The following TTLL10 variants were observed in gnomAD, a reference collection of about 807,000 sequenced individuals.
The protein encoded by TTLL10 is inactive polyglycylase TTLL10.
A neutral mutation model predicts 69.0 loss-of-function variants in TTLL10; 61 were observed. The observed-to-expected ratio is 0.88, with a 90% CI of 0.72 to 1.09. TTLL10 has a LOEUF of 1.09. Among genes scored for constraint, TTLL10 ranks in the 50% least tolerant of loss-of-function variants. TTLL10 has a pLI of 0.00. For synonymous variants in TTLL10, 408 were observed against 393.3 expected, an observed-to-expected ratio of 1.04 and a Z score of -0.44; for missense variants, 962 against 945.9, an observed-to-expected ratio of 1.02 and a Z score of -0.22.
Position 1,181,911 on chromosome 1 carries a change from A to G in TTLL10, c.830+96A>G. ...GGAGAAAGCGGGGCGGGGGTCCCAC[A>G]CAAAGGAAAACCACGAGCTAGAGTC... On this transcript the variant is annotated intron_variant, in intron 9 of 15. Transcript: ENST00000379289. This position sits in a 1 kb window ranked among gnomAD's most constrained non-coding sequence, Gnocchi z 4.6. 1 of 1,159,340 alleles carries G rather than the reference A, an allele frequency of 8.6e-7. No homozygotes were observed. The highest frequency in any genetic ancestry group is 1.2e-6 in the Non-Finnish European group (1 of 804,556). The allele number at this position is 1,159,340 out of a possible 1,614,324, so 71.8% of individuals were successfully genotyped here. A position where few individuals can be genotyped will look rare whatever the true frequency, so the allele number is the denominator to read the frequency against.
chr1:1,189,637 T>G (rs1363274606), intron 13 of TTLL10, among the ~76,000 whole-genome samples: 3 of 152,292 alleles, frequency 2.0e-5, no homozygotes, highest in Non-Finnish European at 4.4e-5. Flanking sequence ...TCCTCTTTTA[T>G]TTTTGGAGTC....
chr1:1,177,413 G>GCTATT (rs1164349864), intron 3 of TTLL10, among the ~76,000 whole-genome samples: 1 of 152,154 alleles, frequency 6.6e-6, no homozygotes, highest in Non-Finnish European at 1.5e-5. Flanking sequence ...CCAGGTTCAA[G>GCTATT]CTATTCTCCT....
chr1:1,178,949 G>A (rs1026315211), intron 3 of TTLL10, among the ~76,000 whole-genome samples: 3 of 152,200 alleles, frequency 2.0e-5, no homozygotes, highest in Non-Finnish European at 2.9e-5. Context: ...GAGCCGCTCC[G>A]GCCAGGGAGG....
At chr1:1,175,634 C>T (rs956106344) in intron 3 of TTLL10, 1 of 446,508 alleles carries the variant, frequency 2.2e-6, no homozygotes, top group Non-Finnish European at 4.5e-6. Flanking sequence ...TCACCATCAC[C>T]ACAGCCCTGC....
Position 1,179,270 on chromosome 1 carries a change from C to T in TTLL10, c.55C>T (p.Arg19Ter), listed in dbSNP as rs538573333. 1.3e-4 allele frequency: 204 copies of T among 1,550,920 alleles called. No homozygotes were observed. In the African/African-American group the frequency reaches 2.4e-3, roughly 18 times the overall value. The change falls in exon 4 of 16, where the codon CGA (arginine) becomes TGA (stop). Residue 19 changes from arginine (R) to a stop codon, truncating the protein, a stop_gained. Coordinates refer to ENST00000379289, the MANE Select transcript of TTLL10 (RefSeq NM_001130045.2). LOFTEE classifies it high-confidence loss of function. ...IHRRGPPTRT[R>*]AGFKRGKRPR... Reference sequence around the variant, plus strand: ...CCGCCGGGGACCACCCACTCGGACCCGAGCCGGCTTCAAGAGGGGCAAGAG... The same window carrying T: ...CCGCCGGGGACCACCCACTCGGACCTGAGCCGGCTTCAAGAGGGGCAAGAG...
In TTLL10 at chr1:1,181,378, G is replaced by A. The variant is rs1340893081; in HGVS notation, c.756-363G>A. Reference sequence around the variant, plus strand: ...CCAAGTCTGGGCCATCCATCCTAGCGACTTCGTCCTCCTGCTCCCAGCCCT... The same window carrying A: ...CCAAGTCTGGGCCATCCATCCTAGCAACTTCGTCCTCCTGCTCCCAGCCCT... On this transcript the variant is annotated intron_variant, in intron 8 of 15. Transcript: ENST00000379289. This position sits in a 1 kb window ranked among gnomAD's most constrained non-coding sequence, Gnocchi z 4.6. Among the ~76,000 whole-genome samples, 3 of 151,634 alleles carry A rather than the reference G, an allele frequency of 2.0e-5. No individual in the cohort carries two copies. The highest frequency in any genetic ancestry group is 6.6e-5 in the Admixed American group (1 of 15,240).
chr1:1,179,460 C>T (rs1434851059), intron 4 of TTLL10, 127 bp downstream of exon 4: 21 of 1,229,798 alleles, frequency 1.7e-5, no homozygotes, highest in Non-Finnish European at 2.2e-5. Flanking sequence ...CATGGCCATG[C>T]CCCGCTGCTC....
intron 4 of TTLL10, 21 bp downstream of exon 4, chr1:1,179,354 T>TGCTACCTCTCCAA (rs1181565974): frequency 6.5e-7 from 1 of 1,547,398 alleles, no homozygotes; most frequent in South Asian, 1.2e-5. Flanking sequence ...CAGCCCTGGG[T>TGCTACCTCTCCAA]GGCCTCCTAC....
intron 12 of TTLL10, 72 bp downstream of exon 12, chr1:1,184,163 G>T: frequency 6.3e-7 from 1 of 1,581,568 alleles, no homozygotes; most frequent in Non-Finnish European, 8.6e-7. Context: ...TCACTGCTAG[G>T]GGGTGCAGAG....
intron 11 of TTLL10, 100 bp from the exon 12 acceptor site, chr1:1,183,820 G>A (rs11589407): frequency 0.01 from 15,411 of 1,470,210 alleles, 106 homozygotes; most frequent in Non-Finnish European, 0.013. Flanking sequence ...ACAGAGGCGG[G>A]GCGCTGAGGA....
At chr1:1,196,527 T>A in intron 13 of TTLL10, 73 bp from the exon 14 acceptor site, 1 of 1,123,936 alleles carries the variant, frequency 8.9e-7, no homozygotes, top group South Asian at 1.3e-5. Context: ...GGGATGTGGC[T>A]GTGGCTGTTC....
At chr1:1,195,808 T>G (rs1415281586) in intron 13 of TTLL10, among the ~76,000 whole-genome samples, 1 of 151,554 alleles carries the variant, frequency 6.6e-6, no homozygotes, top group African/African-American at 2.4e-5. Flanking sequence ...CTTAGCTAAT[T>G]TTGCTAATTT....
intron 10 of TTLL10, 78 bp downstream of exon 10, chr1:1,182,524 G>A: frequency 4.1e-6 from 6 of 1,449,456 alleles, no homozygotes; most frequent in South Asian, 3.4e-5. Context: ...GGGCTGATGA[G>A]GGCAGGGCTG....
rs1279388774 is a variant in TTLL10, at chr1:1,197,659, C to A, written c.1834C>A (p.Pro612Thr). The change falls in exon 16 of 16, where the codon CCT becomes ACT. Residue 612 changes from proline to threonine, a missense_variant. Transcript: ENST00000379289. ...HAPDQPGARR[P>T]APPPLVPQRP... ...CCCAGACCAGCCGGGCGCCCGCAGG[C>A]CTGCGCCACCTCCCTTGGTGCCGCA... 15 of 1,501,114 alleles carry A rather than the reference C, an allele frequency of 1.0e-5. No homozygotes were observed. Among genetic ancestry groups the A allele is most frequent in the Non-Finnish European group, 7.9e-6 (9 of 1,132,550 alleles). The allele number at this position is 1,501,114 out of a possible 1,614,324, so 93.0% of individuals were successfully genotyped here.
intron 13 of TTLL10, among the ~76,000 whole-genome samples, chr1:1,190,522 G>T (rs1278891887): frequency 3.3e-5 from 5 of 151,644 alleles, no homozygotes; most frequent in African/African-American, 1.2e-4. Flanking sequence ...CTGCCTCCCG[G>T]GTTCAAATGA....
At chr1:1,177,118 GTC>G (rs1318064294) in intron 3 of TTLL10, among the ~76,000 whole-genome samples, 1 of 151,620 alleles carries the variant, frequency 6.6e-6, no homozygotes, top group Non-Finnish European at 1.5e-5. Context: ...GTGTAGACGT[GTC>G]TGTGTGTAGG....
chr1:1,179,183 CT>C lies in TTLL10; in HGVS notation c.-27-4del. Reference sequence around the variant, plus strand: ...CAGGAGGGTCAGAGCGGCATCTTCCCTTCAGGGCCCTCGCCCGGGCACCCCC... The same window carrying C: ...CAGGAGGGTCAGAGCGGCATCTTCCCTCAGGGCCCTCGCCCGGGCACCCCC... On this transcript the variant is annotated splice_region_variant and splice_polypyrimidine_tract_variant and intron_variant, in intron 3 of 15. Transcript: ENST00000379289. 1.1e-5 allele frequency: 16 copies of C among 1,505,854 alleles called. No individual in the cohort carries two copies. Among genetic ancestry groups the C allele is most frequent in the Non-Finnish European group, 1.3e-5 (15 of 1,123,098 alleles). 93.3% of individuals were successfully genotyped at this position (1,505,854 alleles called of 1,614,324 possible). A position where few individuals can be genotyped will look rare whatever the true frequency, so the allele number is the denominator to read the frequency against.
chr1:1,179,953 G>A, intron 5 of TTLL10, 81 bp from the exon 6 acceptor site: 1 of 1,445,468 alleles, frequency 6.9e-7, no homozygotes, highest in Non-Finnish European at 9.1e-7. Flanking sequence ...GAAATGGGCT[G>A]GGAGCAAACT....
chr1:1,190,574 C>T lies in TTLL10; in HGVS notation c.1401+5465C>T, dbSNP rs182941513. On this transcript the variant is annotated intron_variant, in intron 13 of 15. Coordinates refer to ENST00000379289, the MANE Select transcript of TTLL10 (RefSeq NM_001130045.2). ...TCCCGAGTAGCTGGGACTAAGGGCA[C>T]GTGCCACCACTCCCAGCTAATTTTT... Among the ~76,000 whole-genome samples the T allele has an allele frequency of 6.9e-3, 1,046 of 151,614 alleles. 4 individuals are homozygous for T. The highest frequency in any genetic ancestry group is 0.012 in the Non-Finnish European group (801 of 67,894).
Sources: gnomAD v4.1 joint callset for allele counts (sites outside exome capture counted in the v4.1 genomes callset) on GRCh38, gnomAD v4.1.1 for gene constraint, Gnocchi (gnomAD v3.1) non-coding constraint, MANE v1.5 for transcripts, NCBI Gene and HGNC (gene_info 2026-07-23, HGNC 2026-07-21) for gene names.